Variants in UBE2R2 observed in about 807,000 individuals in gnomAD.
UBE2R2 encodes ubiquitin conjugating enzyme E2 R2.
A neutral mutation model predicts 27.8 loss-of-function variants in UBE2R2; 1 was observed. That is an observed-to-expected ratio of 0.04 (90% confidence interval 0.01 to 0.17). UBE2R2 has a LOEUF of 0.17. Among genes scored for constraint, UBE2R2 ranks in the 10% least tolerant of loss-of-function variants. The probability of loss-of-function intolerance (pLI) is 1.00; values close to 1 mark genes in which losing one functional copy is unlikely to be tolerated. For missense variants in UBE2R2, 100 were observed against 291.0 expected (o/e 0.34, Z 4.78); for synonymous variants, 106 against 113.3 (o/e 0.94, Z 0.41).
intron 1 of UBE2R2, among the ~76,000 whole-genome samples, chr9:33,870,846 T>C (rs471371): frequency 0.61 from 93,339 of 152,028 alleles, 28,771 homozygotes; most frequent in East Asian, 0.77. Flanking sequence ...TTCACTTATT[T>C]CCTCAATATA....
At chr9:33,834,204 CTTTTT>C (rs1338617494) in intron 1 of UBE2R2, among the ~76,000 whole-genome samples, 1 of 122,974 alleles carries the variant, frequency 8.1e-6, no homozygotes, top group Non-Finnish European at 1.8e-5. Flanking sequence ...TTTTTTTTTT[CTTTTT>C]TTTTTTTTGG....
intron 1 of UBE2R2, among the ~76,000 whole-genome samples, chr9:33,821,571 T>A (rs1212634335): frequency 6.6e-6 from 1 of 152,026 alleles, no homozygotes; most frequent in Non-Finnish European, 1.5e-5. Context: ...TAGCAGTGAG[T>A]CTAGAGCCAG....
At position 33,822,144 on chromosome 9, in the gene UBE2R2, T is replaced by G. The variant is rs1169221963; in HGVS notation, c.177+4210T>G. On this transcript the variant is annotated intron_variant, in intron 1 of 4. Transcript: ENST00000263228. ...TTTGCTCTTATTGCCCAGGCTGGAGTGCAGTGGAGCGATCTCGGCTCACTG... is the reference window on the plus strand; with the variant it reads ...TTTGCTCTTATTGCCCAGGCTGGAGGGCAGTGGAGCGATCTCGGCTCACTG... Among the ~76,000 whole-genome samples, 3 of 150,690 alleles carry G rather than the reference T, an allele frequency of 2.0e-5. No individual in the cohort carries two copies. In the Admixed American group the frequency reaches 2.0e-4, roughly 10 times the overall value.
chr9:33,871,132 C>G (rs1563995401), intron 1 of UBE2R2, among the ~76,000 whole-genome samples: 1 of 152,206 alleles, frequency 6.6e-6, no homozygotes, highest in Non-Finnish European at 1.5e-5. Context: ...ATTTATTTCA[C>G]TGTGCTCTTT....
At chr9:33,911,313 C>T (rs1822480256) in intron 3 of UBE2R2, among the ~76,000 whole-genome samples, 1 of 136,976 alleles carries the variant, frequency 7.3e-6, no homozygotes, top group Admixed American at 8.6e-5. Flanking sequence ...GAGGCTGAGG[C>T]AGGCAGGAGA....
At chr9:33,872,409 T>C (rs1365699844) in intron 1 of UBE2R2, among the ~76,000 whole-genome samples, 1 of 152,080 alleles carries the variant, frequency 6.6e-6, no homozygotes, top group Non-Finnish European at 1.5e-5. Context: ...AAAAAGACCC[T>C]CTTTCAGAGC....
At chr9:33,854,583 A>G (rs1821054341) in intron 1 of UBE2R2, among the ~76,000 whole-genome samples, 1 of 152,050 alleles carries the variant, frequency 6.6e-6, no homozygotes, top group African/African-American at 2.4e-5. Context: ...CGGCCTCCCA[A>G]GGTGCTGGGA....
At chr9:33,837,807 T>A (rs953114996) in intron 1 of UBE2R2, among the ~76,000 whole-genome samples, 1 of 152,076 alleles carries the variant, frequency 6.6e-6, no homozygotes, top group African/African-American at 2.4e-5. Flanking sequence ...CCTACAGTGT[T>A]AAGATTGCAG....
chr9:33,869,329 A>T (rs1228415538), intron 1 of UBE2R2, among the ~76,000 whole-genome samples: 1 of 152,176 alleles, frequency 6.6e-6, no homozygotes, highest in Non-Finnish European at 1.5e-5. Flanking sequence ...AATTAGTAGG[A>T]TAACAAAACT....
intron 1 of UBE2R2, among the ~76,000 whole-genome samples, chr9:33,873,131 C>T (rs753036602): frequency 2.8e-5 from 4 of 143,580 alleles, no homozygotes; most frequent in Non-Finnish European, 3.0e-5. Context: ...GCAGAGATCA[C>T]GCCACTGCAC....
chr9:33,823,932 A>G (rs1820233308), intron 1 of UBE2R2, among the ~76,000 whole-genome samples: 1 of 152,172 alleles, frequency 6.6e-6, no homozygotes, highest in African/African-American at 2.4e-5. Flanking sequence ...GTTAACTTTG[A>G]AACTACCTCT....
chr9:33,859,797 T>TGTGA (rs1554673619), intron 1 of UBE2R2, among the ~76,000 whole-genome samples: 21 of 78,344 alleles, frequency 2.7e-4, no homozygotes, highest in Admixed American at 1.0e-3. Context: ...TGTGTGTGTG[T>TGTGA]GTGAGAGAGA....
At chr9:33,829,707 G>A (rs1483435827) in intron 1 of UBE2R2, among the ~76,000 whole-genome samples, 1 of 151,778 alleles carries the variant, frequency 6.6e-6, no homozygotes, top group Non-Finnish European at 1.5e-5. Flanking sequence ...CTAAGCTTAG[G>A]GAAACATTCT....
chr9:33,869,112 GA>G (rs1407862965), intron 1 of UBE2R2, among the ~76,000 whole-genome samples: 3 of 151,864 alleles, frequency 2.0e-5, no homozygotes, highest in African/African-American at 2.4e-5. Flanking sequence ...TACTAAAAAT[GA>G]AAAAAACTAG....
At chr9:33,863,427 G>T (rs374295460) in intron 1 of UBE2R2, among the ~76,000 whole-genome samples, 14 of 144,392 alleles carry the variant, frequency 9.7e-5, no homozygotes, top group African/African-American at 3.3e-4. Flanking sequence ...CAGGAGAATC[G>T]CCTGAACCCG....
At chr9:33,818,082 G>A in intron 1 of UBE2R2, 148 bp downstream of exon 1, 1 of 954,198 alleles carries the variant, frequency 1.0e-6, no homozygotes, top group Non-Finnish European at 1.5e-6. Context: ...ATCCCTGGAG[G>A]CAGGAAGGCC....
At chr9:33,854,005 G>A (rs924447041) in intron 1 of UBE2R2, among the ~76,000 whole-genome samples, 2 of 151,804 alleles carry the variant, frequency 1.3e-5, no homozygotes, top group Admixed American at 6.6e-5. Context: ...CCCTAATGGT[G>A]TAACTTTTTT....
chr9:33,898,257 T>G (rs1822167108), intron 2 of UBE2R2, among the ~76,000 whole-genome samples: 2 of 152,008 alleles, frequency 1.3e-5, no homozygotes, highest in African/African-American at 4.8e-5. Flanking sequence ...AATTTTTGTA[T>G]TTTTAGTAGA....
At position 33,917,338 on chromosome 9, in the gene UBE2R2, A is replaced by G; in HGVS notation, c.*101A>G. 1 of 1,540,522 alleles carries G rather than the reference A, an allele frequency of 6.5e-7. No homozygotes were observed. The highest frequency in any genetic ancestry group is 8.7e-7 in the Non-Finnish European group (1 of 1,147,808). On this transcript the variant is annotated 3_prime_UTR_variant, in exon 5 of 5. Coordinates refer to ENST00000263228, the MANE Select transcript of UBE2R2 (RefSeq NM_017811.4). The stretch of plus-strand genomic sequence containing the variant: ...GGCCCCTCAGCAAAAACCTATTCAC[A>G]GCGGGTGGGGAAACACACACAGCTC...
Sources: gnomAD v4.1 joint callset for allele counts (sites outside exome capture counted in the v4.1 genomes callset) on GRCh38, gnomAD v4.1.1 for gene constraint, MANE v1.5 for transcripts, NCBI Gene and HGNC (gene_info 2026-07-23, HGNC 2026-07-21) for gene names.